The following MAPK12 variants were observed in gnomAD, a reference collection of about 807,000 sequenced individuals.
MAPK12 encodes MAP kinase 12.
Under a neutral mutation model 49.1 loss-of-function variants are expected in MAPK12, and 49 were observed. The observed-to-expected ratio is 1.00, with a 90% CI of 0.79 to 1.27. The LOEUF is 1.27. Ranked by LOEUF, MAPK12 falls within the 50% of genes most tolerant of loss-of-function variation. The probability of loss-of-function intolerance (pLI) is 0.00; values close to 1 mark genes in which losing one functional copy is unlikely to be tolerated. For synonymous variants in MAPK12, 251 were observed against 209.7 expected (o/e 1.20, Z -1.70); for missense variants, 554 against 502.4 (o/e 1.10, Z -0.98).
Position 50,253,211 on chromosome 22 carries a change from G to A in MAPK12, c.*190C>T. ...CAGAGGTCTTGTCCAGAAAGTTCAG[G>A]TGCTCCTCCATGATGGGCGCCCAAG... On this transcript the variant is annotated 3_prime_UTR_variant, in exon 12 of 12. Coordinates refer to ENST00000215659, the MANE Select transcript of MAPK12 (RefSeq NM_002969.6). The A allele has an allele frequency of 1.6e-6, 1 of 634,212 alleles. No homozygotes were observed. The highest frequency in any genetic ancestry group is 1.8e-5 in the South Asian group (1 of 56,758). 39.3% of individuals were successfully genotyped at this position (634,212 alleles called of 1,614,324 possible).
Position 50,253,376 on chromosome 22 carries a change from C to T in MAPK12, c.*25G>A, listed in dbSNP as rs1601637672. 1.7e-5 allele frequency: 26 copies of T among 1,530,876 alleles called. No individual in the cohort carries two copies. Among genetic ancestry groups the T allele is most frequent in the East Asian group, 2.5e-5 (1 of 40,674 alleles). 94.8% of individuals were successfully genotyped at this position (1,530,876 alleles called of 1,614,324 possible). On this transcript the variant is annotated 3_prime_UTR_variant, in exon 12 of 12. Transcript: ENST00000215659. Reference sequence around the variant, plus strand: ...AGGTGGAAGGTGAAGGTGGTCCTCACTGCCACCCCGGAGCCCAGAGATCTT... The same window carrying T: ...AGGTGGAAGGTGAAGGTGGTCCTCATTGCCACCCCGGAGCCCAGAGATCTT...
rs745420691 is a variant in MAPK12 at position 50,255,609 on chromosome 22, C to G, written c.771+6G>C. Reference sequence around the variant, plus strand: ...ACCCCCACCCAGCTCCCCACTCACCCCTTACCTCATCGCTCTGCAGCCGCT... The same window carrying G: ...ACCCCCACCCAGCTCCCCACTCACCGCTTACCTCATCGCTCTGCAGCCGCT... On this transcript the variant is annotated splice_donor_region_variant and intron_variant, in intron 9 of 11. Transcript: ENST00000215659. The G allele has an allele frequency of 4.3e-6, 7 of 1,612,448 alleles. No homozygotes were observed. The South Asian group carries it at 6.6e-5, about 15-fold the overall frequency.
chr22:50,253,276 C>T lies in MAPK12; in HGVS notation c.*125G>A, dbSNP rs1332525450. On this transcript the variant is annotated 3_prime_UTR_variant, in exon 12 of 12. Coordinates refer to ENST00000215659, the MANE Select transcript of MAPK12 (RefSeq NM_002969.6). ...CGTGGGGAGGAGGGTCCATGGAACC[C>T]GGGCGTCTGCTCTGATGGATGCCTT... 7 of 755,814 alleles carry T rather than the reference C, an allele frequency of 9.3e-6. No individual in the cohort carries two copies. Among genetic ancestry groups the T allele is most frequent in the African/African-American group, 6.9e-5 (4 of 58,052 alleles). The allele number at this position is 755,814 out of a possible 1,614,324, so 46.8% of individuals were successfully genotyped here. A position where few individuals can be genotyped will look rare whatever the true frequency, so the allele number is the denominator to read the frequency against.
chr22:50,254,886 C>T, intron 11 of MAPK12: 1 of 1,254,818 alleles, frequency 8.0e-7, no homozygotes, highest in Non-Finnish European at 1.0e-6. Context: ...CTGTGCTGAG[C>T]CTGCCAGGAA....
chr22:50,254,762 G>T, intron 11 of MAPK12: 1 of 1,113,946 alleles, frequency 9.0e-7, no homozygotes. Context: ...CCAGGTCTCT[G>T]GCCTGGACAT....
At chr22:50,255,953 A>C in intron 7 of MAPK12, 72 bp from the exon 8 acceptor site, 1 of 1,520,990 alleles carries the variant, frequency 6.6e-7, no homozygotes, top group Non-Finnish European at 9.0e-7. Context: ...AGACACCAAC[A>C]CAGCCCACCT....
In MAPK12 at chr22:50,261,537, A is replaced by T; in HGVS notation, c.-28T>A. The stretch of plus-strand genomic sequence containing the variant: ...CAGGCCCGGGAGCTGCCCACCCCGC[A>T]GAGCCTGCGGGCGGTGCCCCCACGA... On this transcript the variant is annotated 5_prime_UTR_variant, in exon 1 of 12. Coordinates refer to ENST00000215659, the MANE Select transcript of MAPK12 (RefSeq NM_002969.6). The T allele has an allele frequency of 9.1e-7, 1 of 1,093,286 alleles. No individual in the cohort carries two copies. Among genetic ancestry groups the T allele is most frequent in the Non-Finnish European group, 1.1e-6 (1 of 890,900 alleles). 67.7% of individuals were successfully genotyped at this position (1,093,286 alleles called of 1,614,324 possible).
chr22:50,256,389 C>G (rs1397859824), intron 6 of MAPK12, among the ~76,000 whole-genome samples, 190 bp from the exon 7 acceptor site: 1 of 152,246 alleles, frequency 6.6e-6, no homozygotes, highest in Non-Finnish European at 1.5e-5. Flanking sequence ...GCCAGTGCAC[C>G]AAGCCCAGCA....
At chr22:50,254,038 G>C (rs1031215299) in intron 11 of MAPK12, 1 of 156,018 alleles carries the variant, frequency 6.4e-6, no homozygotes, top group African/African-American at 2.4e-5. Flanking sequence ...CTTTCCCCGG[G>C]CACACCCACC....
chr22:50,259,192 G>T (rs555153580), intron 2 of MAPK12, among the ~76,000 whole-genome samples: 1 of 152,214 alleles, frequency 6.6e-6, no homozygotes, highest in African/African-American at 2.4e-5. Context: ...CCGGAGCCAC[G>T]TGGGCCAGAG....
At chr22:50,258,076 T>A (rs1601643773) in intron 3 of MAPK12, 167 bp downstream of exon 3, 1 of 670,718 alleles carries the variant, frequency 1.5e-6, no homozygotes, top group East Asian at 2.9e-5. Context: ...CAGGACCATG[T>A]GGGGGAGGGC....
At chr22:50,254,174 G>C (rs2065125310) in intron 11 of MAPK12, 1 of 153,148 alleles carries the variant, frequency 6.5e-6, no homozygotes, top group South Asian at 2.1e-4. Context: ...TCTGAGTCCA[G>C]CCTGAGGCTG....
At chr22:50,261,319 G>C in intron 1 of MAPK12, 23 bp from the exon 2 acceptor site, 1 of 1,345,196 alleles carries the variant, frequency 7.4e-7, no homozygotes, top group South Asian at 1.7e-5. Flanking sequence ...CCGCTTAGCG[G>C]GAAGGCCGGG....
intron 11 of MAPK12, 73 bp downstream of exon 11, chr22:50,255,124 C>T (rs772154090): frequency 5.3e-6 from 8 of 1,517,764 alleles, no homozygotes; most frequent in East Asian, 2.5e-5. Flanking sequence ...CCCCAACTCA[C>T]AGGTCCACAC....
At chr22:50,253,501 G>GGGGGGGGC in intron 11 of MAPK12, 21 bp from the exon 12 acceptor site, 1 of 354,170 alleles carries the variant, frequency 2.8e-6, no homozygotes, top group South Asian at 2.1e-5. Context: ...TGGGGGGGCG[G>GGGGGGGGC]GCACAACAGA....
chr22:50,256,542 G>A, intron 6 of MAPK12, 57 bp downstream of exon 6: 1 of 1,576,806 alleles, frequency 6.3e-7, no homozygotes, highest in Non-Finnish European at 8.6e-7. Flanking sequence ...GGATAGATGG[G>A]CAGATCCAGA....
intron 11 of MAPK12, 49 bp from the exon 12 acceptor site, chr22:50,253,529 G>C (rs1487963881): frequency 4.3e-6 from 4 of 931,080 alleles, no homozygotes; most frequent in Admixed American, 2.0e-5. Flanking sequence ...GTCAGCCTTT[G>C]CCTTCCATCC....
chr22:50,253,502 G>GGGGA, intron 11 of MAPK12, 22 bp from the exon 12 acceptor site: 26 of 171,666 alleles, frequency 1.5e-4, no homozygotes, highest in South Asian at 3.6e-4. Context: ...GGGGGGGCGG[G>GGGGA]CACAACAGAG....
chr22:50,257,129 C>T lies in MAPK12; in HGVS notation c.379G>A (p.Glu127Lys), dbSNP rs779930575. ...TACACGAGGAACTGGATCCGGTCCT[C>T]GCCTAGCTTCTCATGTTTCATGAGC... ...GKLMKHEKLGEDRIQFLVYQM... is the reference protein window; with the variant it reads ...GKLMKHEKLGKDRIQFLVYQM... Residue 127 changes from glutamate to lysine, a missense_variant, in exon 4 of 12, where the codon GAG becomes AAG. Glu to Lys is a moderately conservative substitution (Grantham distance 56). Coordinates refer to ENST00000215659, the MANE Select transcript of MAPK12 (RefSeq NM_002969.6). 25 of 1,612,780 alleles carry T rather than the reference C, an allele frequency of 1.6e-5. No individual in the cohort carries two copies. The highest frequency in any genetic ancestry group is 7.7e-5 in the South Asian group (7 of 91,092).
Sources: allele counts gnomAD v4.1 joint callset (sites outside exome capture counted in the v4.1 genomes callset), GRCh38; gene constraint gnomAD v4.1.1; transcripts MANE v1.5; gene names NCBI Gene and HGNC (gene_info 2026-07-23, HGNC 2026-07-21).